The following PTPRT variants were observed in gnomAD, a reference collection of about 807,000 sequenced individuals.
The protein encoded by PTPRT is receptor-type tyrosine-protein phosphatase T.
In PTPRT, 56 loss-of-function variants were observed where a neutral mutation model predicts 176.8. The ratio of observed to expected loss-of-function variants is 0.32; its 90% CI spans 0.26 to 0.40. The LOEUF is 0.40. Among genes scored for constraint, PTPRT ranks in the 10% least tolerant of loss-of-function variants. The pLI, the probability that PTPRT is intolerant of heterozygous loss-of-function variation, is 1.00. For missense variants in PTPRT, 1,540 were observed against 1,908.2 expected (o/e 0.81, Z 3.60); for synonymous variants, 783 against 739.0 (o/e 1.06, Z -0.96).
intron 17 of PTPRT, among the ~76,000 whole-genome samples, chr20:42,150,989 G>C (rs1042990917): frequency 2.6e-5 from 4 of 152,134 alleles, no homozygotes; most frequent in African/African-American, 9.7e-5. Context: ...CATAGCACCT[G>C]GCACAATGCC....
intron 3 of PTPRT, among the ~76,000 whole-genome samples, chr20:42,790,729 C>T (rs185568443): frequency 3.9e-5 from 6 of 152,266 alleles, no homozygotes; most frequent in Admixed American, 3.3e-4. Context: ...ATTCATTCTT[C>T]AAGATTCATC....
At chr20:42,521,560 T>A (rs535305116) in intron 7 of PTPRT, among the ~76,000 whole-genome samples, 1 of 152,200 alleles carries the variant, frequency 6.6e-6, no homozygotes, top group African/African-American at 2.4e-5. Flanking sequence ...TGTACTTTTT[T>A]CCATAGAATA....
intron 6 of PTPRT, among the ~76,000 whole-genome samples, chr20:42,679,402 C>T: frequency 6.6e-6 from 1 of 151,980 alleles, no homozygotes; most frequent in East Asian, 1.9e-4. Flanking sequence ...CCTGGACCAA[C>T]TTGCACCAAG....
chr20:43,165,027 T>C (rs963459945), intron 1 of PTPRT, among the ~76,000 whole-genome samples: 3 of 152,082 alleles, frequency 2.0e-5, no homozygotes, highest in Non-Finnish European at 4.4e-5. Flanking sequence ...ATAATCCCCA[T>C]GTGTCATGGG....
At chr20:42,733,629 A>C (rs953586356) in intron 6 of PTPRT, among the ~76,000 whole-genome samples, 1 of 152,142 alleles carries the variant, frequency 6.6e-6, no homozygotes, top group Non-Finnish European at 1.5e-5. Flanking sequence ...AGGCATTTTG[A>C]ACTCTCCCTT....
intron 7 of PTPRT, among the ~76,000 whole-genome samples, chr20:42,554,274 C>A (rs1163711373): frequency 6.6e-6 from 1 of 152,022 alleles, no homozygotes; most frequent in African/African-American, 2.4e-5. Context: ...AGCACTTGTA[C>A]CCCCAAACCT....
At chr20:42,261,893 T>C (rs6065451) in intron 13 of PTPRT, among the ~76,000 whole-genome samples, 98,446 of 152,090 alleles carry the variant, frequency 0.65, 33,116 homozygotes, top group African/African-American at 0.83. Context: ...GTCCAGATTA[T>C]GCATCTGCAA....
chr20:42,320,338 A>T (rs1417551379), intron 11 of PTPRT, among the ~76,000 whole-genome samples: 1 of 152,162 alleles, frequency 6.6e-6, no homozygotes, highest in Non-Finnish European at 1.5e-5. Flanking sequence ...CTCGGACCAG[A>T]TTCCACTGAG....
chr20:42,718,314 G>T (rs999059989), intron 6 of PTPRT, among the ~76,000 whole-genome samples: 1 of 152,160 alleles, frequency 6.6e-6, no homozygotes, highest in African/African-American at 2.4e-5. Context: ...GAGGCGGGTG[G>T]ATCACGAGGT....
At chr20:42,993,110 A>G (rs1430031419) in intron 1 of PTPRT, among the ~76,000 whole-genome samples, 1 of 152,156 alleles carries the variant, frequency 6.6e-6, no homozygotes, top group Non-Finnish European at 1.5e-5. Flanking sequence ...CCGGAAAAGC[A>G]CACGGAACAG....
At chr20:42,726,015 G>C (rs1360749137) in intron 6 of PTPRT, among the ~76,000 whole-genome samples, 1 of 151,568 alleles carries the variant, frequency 6.6e-6, no homozygotes, top group Non-Finnish European at 1.5e-5. Context: ...TGCTATGTGA[G>C]AGAATACATT....
chr20:42,131,927 G>T (rs926916435), intron 18 of PTPRT, among the ~76,000 whole-genome samples: 1 of 152,178 alleles, frequency 6.6e-6, no homozygotes, highest in Non-Finnish European at 1.5e-5. Context: ...CAAGCACCGT[G>T]GGGGAGCTGC....
At chr20:42,355,752 T>C (rs1351241162) in intron 9 of PTPRT, among the ~76,000 whole-genome samples, 11 of 152,194 alleles carry the variant, frequency 7.2e-5, no homozygotes, top group Admixed American at 7.2e-4. Context: ...TTGAAAATTC[T>C]GTCCCCGTCC....
At chr20:42,848,323 T>C (rs893494505) in intron 2 of PTPRT, among the ~76,000 whole-genome samples, 1 of 152,232 alleles carries the variant, frequency 6.6e-6, no homozygotes, top group African/African-American at 2.4e-5. Flanking sequence ...TCACTTCTTT[T>C]CCTTTGGGTA....
chr20:42,273,741 G>C (rs911056635), intron 13 of PTPRT, among the ~76,000 whole-genome samples: 3 of 152,218 alleles, frequency 2.0e-5, no homozygotes, highest in Non-Finnish European at 4.4e-5. Flanking sequence ...CTCACTAGCT[G>C]TGTCATTTGG....
At chr20:42,694,600 A>G (rs1386293098) in intron 6 of PTPRT, among the ~76,000 whole-genome samples, 1 of 152,140 alleles carries the variant, frequency 6.6e-6, no homozygotes, top group Non-Finnish European at 1.5e-5. Flanking sequence ...TGGAATTCAG[A>G]ACTATCAAAC....
chr20:42,943,020 G>A (rs1006546701), intron 1 of PTPRT, among the ~76,000 whole-genome samples: 1 of 152,176 alleles, frequency 6.6e-6, no homozygotes, highest in Non-Finnish European at 1.5e-5. Flanking sequence ...CATGAGAAGG[G>A]CCAATCGTTT....
intron 9 of PTPRT, among the ~76,000 whole-genome samples, chr20:42,386,339 C>A (rs1472820608): frequency 6.6e-6 from 1 of 151,326 alleles, no homozygotes; most frequent in East Asian, 1.9e-4. Context: ...AAAACTGTCC[C>A]AGGAGTTTAA....
At chr20:42,134,453 G>A (rs931375062) in intron 18 of PTPRT, among the ~76,000 whole-genome samples, 4 of 152,164 alleles carry the variant, frequency 2.6e-5, no homozygotes, top group Non-Finnish European at 5.9e-5. Flanking sequence ...GGTGAGAGAT[G>A]GGCAAGAGCT....
Sources: gnomAD v4.1 joint callset for allele counts (sites outside exome capture counted in the v4.1 genomes callset) on GRCh38, gnomAD v4.1.1 for gene constraint, MANE v1.5 for transcripts, NCBI Gene and HGNC (gene_info 2026-07-23, HGNC 2026-07-21) for gene names.